The following BCAS3 variants were observed in gnomAD, a reference collection of about 807,000 sequenced individuals.
The protein encoded by BCAS3 is BCAS4/BCAS3 fusion.
Under a neutral mutation model 116.1 loss-of-function variants are expected in BCAS3, and 53 were observed. That is an observed-to-expected ratio of 0.46 (90% CI 0.37 to 0.57). The LOEUF is 0.57. Ranked by LOEUF, BCAS3 falls within the 20% of genes least tolerant of loss-of-function variation. The probability of loss-of-function intolerance (pLI) is 0.00; values close to 1 mark genes in which losing one functional copy is unlikely to be tolerated. For missense variants in BCAS3, 917 were observed against 1,165.4 expected, an observed-to-expected ratio of 0.79 and a Z score of 3.10; for synonymous variants, 391 against 408.2, an observed-to-expected ratio of 0.96 and a Z score of 0.51.
Position 61,171,050 on chromosome 17 carries a change from G to A in BCAS3, c.2425+86486G>A, listed in dbSNP as rs2078814403. 6.6e-6 allele frequency among the ~76,000 whole-genome samples: 1 copy of A among 152,100 alleles called. No homozygotes were observed. Among genetic ancestry groups the A allele is most frequent in the African/African-American group, 2.4e-5 (1 of 41,412 alleles). On this transcript the variant is annotated intron_variant, in intron 22 of 23. Coordinates refer to ENST00000407086, the MANE Select transcript of BCAS3 (RefSeq NM_017679.5). The surrounding 1 kb of genome is among the most constrained non-coding windows in gnomAD (Gnocchi z 4.1). ...GCAGGTAAAGTGATACAAGATTTTT[G>A]TGTCAAAAGTGGGGCAAAATTTCCT...
Position 61,082,028 on chromosome 17 carries a change from C to G in BCAS3, c.2328-2439C>G, listed in dbSNP as rs572837181. ...CCGCCTAACCAAAATGGGAAACAGG[C>G]AGGCATAGTGTTGACTCTCATCCAT... On this transcript the variant is annotated intron_variant, in intron 21 of 23. Transcript: ENST00000407086. The surrounding 1 kb of genome is among the most constrained non-coding windows in gnomAD (Gnocchi z 5.1). Among the ~76,000 whole-genome samples the G allele has an allele frequency of 4.6e-5, 7 of 152,180 alleles. No individual in the cohort carries two copies. In the South Asian group the frequency reaches 1.5e-3, roughly 32 times the overall value.
In BCAS3 at chr17:60,980,102, T is replaced by A. The variant is rs964570705; in HGVS notation, c.1222-9869T>A. On this transcript the variant is annotated intron_variant, in intron 14 of 23. Coordinates refer to ENST00000407086, the MANE Select transcript of BCAS3 (RefSeq NM_017679.5). Reference sequence around the variant, plus strand: ...GTTCCTCCTTGTACCTCTGGTAGAATTCGGCTGTGAATCCATCTGGTCCTG... The same window carrying A: ...GTTCCTCCTTGTACCTCTGGTAGAAATCGGCTGTGAATCCATCTGGTCCTG... 3.9e-5 allele frequency among the ~76,000 whole-genome samples: 6 copies of A among 152,284 alleles called. No individual in the cohort carries two copies. The East Asian group carries it at 1.2e-3, about 29-fold the overall frequency.
intron 15 of BCAS3, among the ~76,000 whole-genome samples, chr17:60,992,597 G>A (rs917898273): frequency 6.6e-6 from 1 of 152,052 alleles, no homozygotes; most frequent in Non-Finnish European, 1.5e-5. Context: ...ACGTGTGACA[G>A]GATCATTTGT....
chr17:61,250,482 A>C (rs2048288579), intron 22 of BCAS3, among the ~76,000 whole-genome samples: 1 of 152,206 alleles, frequency 6.6e-6, no homozygotes, highest in Non-Finnish European at 1.5e-5. Context: ...GTAACTGAGC[A>C]CTGCTCTGTG....
At chr17:60,756,305 C>G (rs1042505249) in intron 6 of BCAS3, among the ~76,000 whole-genome samples, 1 of 152,190 alleles carries the variant, frequency 6.6e-6, no homozygotes, top group Non-Finnish European at 1.5e-5. Context: ...AATGCTTGCT[C>G]TCCTAATGCT....
At chr17:60,792,392 T>C (rs8070938) in intron 6 of BCAS3, among the ~76,000 whole-genome samples, 34,754 of 152,104 alleles carry the variant, frequency 0.23, 7,143 homozygotes, top group African/African-American at 0.56. Context: ...CCCGCTCGCT[T>C]GCTTACACAT....
At chr17:60,710,645 A>C (rs549609873) in intron 5 of BCAS3, among the ~76,000 whole-genome samples, 33 of 151,738 alleles carry the variant, frequency 2.2e-4, no homozygotes, top group Middle Eastern at 3.4e-3. Context: ...GTTAGCCAGG[A>C]TGATCTTGAT....
At chr17:60,861,553 G>A (rs562318629) in intron 7 of BCAS3, among the ~76,000 whole-genome samples, 5 of 152,196 alleles carry the variant, frequency 3.3e-5, no homozygotes, top group South Asian at 2.1e-4. Flanking sequence ...GAGAGTAGGC[G>A]TCTTTGTCTT....
intron 22 of BCAS3, among the ~76,000 whole-genome samples, chr17:61,245,789 T>C (rs2047891066): frequency 6.6e-6 from 1 of 151,776 alleles, no homozygotes; most frequent in South Asian, 2.1e-4. Flanking sequence ...TTCATGTTAA[T>C]GAAGTTCTGT....
At chr17:60,720,138 T>G (rs2039076897) in intron 5 of BCAS3, 2 of 152,138 alleles carry the variant, frequency 1.3e-5, no homozygotes, top group Non-Finnish European at 2.9e-5. Context: ...TTAGTTTTCT[T>G]TTCTTTTCTT....
intron 5 of BCAS3, chr17:60,727,148 G>T: frequency 1.6e-6 from 1 of 610,248 alleles, no homozygotes; most frequent in South Asian, 3.2e-5. Context: ...AAAATTAAAA[G>T]AAAAATATCC....
intron 22 of BCAS3, among the ~76,000 whole-genome samples, chr17:61,150,228 T>C (rs2077471158): frequency 6.6e-6 from 1 of 152,174 alleles, no homozygotes; most frequent in Non-Finnish European, 1.5e-5. Flanking sequence ...TACAGTATGC[T>C]CCCAGACAGA....
At chr17:61,064,580 G>C (rs2070413949) in intron 19 of BCAS3, among the ~76,000 whole-genome samples, 1 of 152,188 alleles carries the variant, frequency 6.6e-6, no homozygotes, top group Admixed American at 6.5e-5. Context: ...TTATGATACT[G>C]TGGGGGTACA....
chr17:60,953,266 G>A (rs2060938873), intron 14 of BCAS3, among the ~76,000 whole-genome samples: 1 of 152,114 alleles, frequency 6.6e-6, no homozygotes, highest in Non-Finnish European at 1.5e-5. Context: ...CACAACCTAA[G>A]GAGCATCTGT....
chr17:60,887,601 G>A (rs184589516), intron 9 of BCAS3, among the ~76,000 whole-genome samples: 8 of 152,264 alleles, frequency 5.3e-5, no homozygotes, highest in Admixed American at 4.6e-4. Flanking sequence ...ACCGTTTGTT[G>A]AAAAGACTTC....
chr17:60,762,807 GA>G (rs2144361002), intron 6 of BCAS3, among the ~76,000 whole-genome samples: 1 of 152,026 alleles, frequency 6.6e-6, no homozygotes, highest in South Asian at 2.1e-4. Context: ...CCATTTTCAC[GA>G]TATTGATTCT....
rs1040935350 is a variant in BCAS3, at chr17:61,136,392, G to A, written c.2425+51828G>A. Among the ~76,000 whole-genome samples the A allele has an allele frequency of 2.0e-5, 3 of 152,140 alleles. No individual in the cohort carries two copies. The highest frequency in any genetic ancestry group is 1.3e-4 in the Admixed American group (2 of 15,280). Reference sequence around the variant, plus strand: ...TATCTGTAGAACAGGGTTTCTCAGCGTAAGTACTGAAGGTATTTTGGACTG... The same window carrying A: ...TATCTGTAGAACAGGGTTTCTCAGCATAAGTACTGAAGGTATTTTGGACTG... On this transcript the variant is annotated intron_variant, in intron 22 of 23. Coordinates refer to ENST00000407086, the MANE Select transcript of BCAS3 (RefSeq NM_017679.5). The surrounding 1 kb of genome is among the most constrained non-coding windows in gnomAD (Gnocchi z 4.4).
chr17:61,066,979 G>A (rs2070695066), intron 19 of BCAS3, among the ~76,000 whole-genome samples: 1 of 151,474 alleles, frequency 6.6e-6, no homozygotes, highest in Non-Finnish European at 1.5e-5. Flanking sequence ...TTAATACTTT[G>A]TACCTATAGT....
chr17:61,135,664 C>T (rs1341441652), intron 22 of BCAS3, among the ~76,000 whole-genome samples: 4 of 152,202 alleles, frequency 2.6e-5, no homozygotes, highest in Non-Finnish European at 4.4e-5. Flanking sequence ...GAACAGTTCT[C>T]ACATTTTTAA....
Sources: gnomAD v4.1 joint callset for allele counts (sites outside exome capture counted in the v4.1 genomes callset) on GRCh38, gnomAD v4.1.1 for gene constraint, Gnocchi (gnomAD v3.1) non-coding constraint, MANE v1.5 for transcripts, NCBI Gene and HGNC (gene_info 2026-07-23, HGNC 2026-07-21) for gene names.